The following SLC12A1 variants were observed in gnomAD, a reference collection of about 807,000 sequenced individuals.
The protein encoded by SLC12A1 is solute carrier family 12 member 1, also known as Na-K-2Cl cotransporter.
Under a neutral mutation model 130.4 loss-of-function variants are expected in SLC12A1, and 89 were observed. That is an observed-to-expected ratio of 0.68 (90% CI 0.58 to 0.81). The LOEUF (loss-of-function observed/expected upper bound fraction) is 0.81. Among genes scored for constraint, SLC12A1 ranks in the 40% least tolerant of loss-of-function variants. The pLI, the probability that SLC12A1 is intolerant of heterozygous loss-of-function variation, is 0.00. For missense variants in SLC12A1, 1,310 were observed against 1,336.4 expected (o/e 0.98, Z 0.31); for synonymous variants, 499 against 460.0 (o/e 1.08, Z -1.09).
chr15:48,220,280 C>G (rs1354973787), intron 2 of SLC12A1, among the ~76,000 whole-genome samples: 1 of 151,880 alleles, frequency 6.6e-6, no homozygotes, highest in Non-Finnish European at 1.5e-5. Context: ...TTCCAAAGAC[C>G]CTTATTTACT....
chr15:48,278,165 AC>A (rs1479910973), intron 20 of SLC12A1, among the ~76,000 whole-genome samples: 2 of 152,200 alleles, frequency 1.3e-5, no homozygotes, highest in African/African-American at 2.4e-5. Flanking sequence ...ACTTACGTGA[AC>A]CCGGGAGGCG....
rs575459083 is a variant in SLC12A1, at chr15:48,300,472, G to T, written c.3097-843G>T. On this transcript the variant is annotated intron_variant, in intron 25 of 26. Transcript: ENST00000380993. ...GCCACCCTGAGACCCTGACCCCTGG[G>T]GCCCACGAGCTTCAGAGAGCCTCGC... is the stretch of plus-strand genomic sequence containing the variant. Among the ~76,000 whole-genome samples the T allele has an allele frequency of 1.6e-4, 24 of 152,216 alleles. No homozygotes were observed. In the South Asian group the frequency reaches 4.1e-3, roughly 26 times the overall value.
At chr15:48,290,733 T>G (rs887345549) in intron 23 of SLC12A1, among the ~76,000 whole-genome samples, 6 of 151,860 alleles carry the variant, frequency 4.0e-5, no homozygotes, top group African/African-American at 1.5e-4. Flanking sequence ...TATGCATATA[T>G]GTCTTTTCAA....
At chr15:48,249,772 A>C (rs973593759) in intron 14 of SLC12A1, 96 bp downstream of exon 14, 67 of 918,956 alleles carry the variant, frequency 7.3e-5, no homozygotes, top group Admixed American at 1.9e-5. Flanking sequence ...ATCTGTGTTT[A>C]TATGTTTCCT....
At position 48,251,678 on chromosome 15, in the gene SLC12A1, G is replaced by A. The variant is rs755913037; in HGVS notation, c.1850G>A (p.Cys617Tyr). 1 of 1,613,446 alleles carries A rather than the reference G, an allele frequency of 6.2e-7. No homozygotes were observed. The highest frequency in any genetic ancestry group is 2.2e-5 in the East Asian group (1 of 44,880). Residue 617 changes from cysteine (C) to tyrosine (Y), a missense_variant, in exon 15 of 27, where the codon TGT (cysteine) becomes TAT (tyrosine). By Grantham distance (194) the Cys-to-Tyr change is radical. Coordinates refer to ENST00000380993, the MANE Select transcript of SLC12A1 (RefSeq NM_000338.3). ...WVSLFGAVLC[C>Y]AVMFVINWWA... ...TCTCTTTTTGGAGCTGTTTTGTGCT[G>A]TGCAGTCATGTTTGTCATCAACTGG...
Position 48,301,307 on chromosome 15 carries a change from GC to G in SLC12A1, c.3097-5del. On this transcript the variant is annotated splice_polypyrimidine_tract_variant and splice_region_variant and intron_variant, in intron 25 of 26. Coordinates refer to ENST00000380993, the MANE Select transcript of SLC12A1 (RefSeq NM_000338.3). Reference sequence around the variant, plus strand: ...ACTGTACTCAACAAATCTGAATGTTGCCCACAGAGTTACCGCCAAGTTCGAC... The same window carrying G: ...ACTGTACTCAACAAATCTGAATGTTGCCACAGAGTTACCGCCAAGTTCGAC... 1 of 1,591,844 alleles carries G rather than the reference GC, an allele frequency of 6.3e-7. No individual in the cohort carries two copies.
Position 48,278,099 on chromosome 15 carries a change from ATTCC to A in SLC12A1, c.2485+3447_2485+3450del, listed in dbSNP as rs1456543783. On this transcript the variant is annotated intron_variant, in intron 20 of 26. Coordinates refer to ENST00000380993, the MANE Select transcript of SLC12A1 (RefSeq NM_000338.3). Reference sequence around the variant, plus strand: ...CAGTGAGTATTCACTATTAATGTATATTCCCTCCTAGTAGAACTTAATACTTTAG... The same window carrying A: ...CAGTGAGTATTCACTATTAATGTATACTCCTAGTAGAACTTAATACTTTAG... 2.0e-5 allele frequency among the ~76,000 whole-genome samples: 3 copies of A among 152,182 alleles called. No homozygotes were observed. In the East Asian group the frequency reaches 5.8e-4, roughly 29 times the overall value.
chr15:48,246,877 A>G, intron 11 of SLC12A1, 32 bp from the exon 12 acceptor site: 1 of 1,449,482 alleles, frequency 6.9e-7, no homozygotes, highest in African/African-American at 1.4e-5. Flanking sequence ...CAAATCACAG[A>G]AAGTCTCCTT....
chr15:48,247,799 C>A (rs187207722), intron 13 of SLC12A1, among the ~76,000 whole-genome samples: 1 of 152,258 alleles, frequency 6.6e-6, no homozygotes, highest in African/African-American at 2.4e-5. Flanking sequence ...AATTGAATTG[C>A]CTGTTAGTGT....
chr15:48,241,699 A>T lies in SLC12A1; in HGVS notation c.1300+100A>T, dbSNP rs1048131154. 8.6e-6 allele frequency: 7 copies of T among 813,798 alleles called. No homozygotes were observed. In the African/African-American group the frequency reaches 1.2e-4, roughly 14 times the overall value. The allele number at this position is 813,798 out of a possible 1,614,324, so 50.4% of individuals were successfully genotyped here. ...ATGCAGCATAAATACAGAGTTTTTT[A>T]AAAGGCAACAATTTTAATTCCGTTC... On this transcript the variant is annotated intron_variant, in intron 10 of 26. Transcript: ENST00000380993.
intron 23 of SLC12A1, 73 bp downstream of exon 23, chr15:48,288,589 T>A: frequency 1.3e-6 from 1 of 747,858 alleles, no homozygotes; most frequent in Non-Finnish European, 2.3e-6. Context: ...TTTAATAACT[T>A]TAAGTGTCTC....
At chr15:48,263,419 T>G (rs899202796) in intron 17 of SLC12A1, among the ~76,000 whole-genome samples, 4 of 152,126 alleles carry the variant, frequency 2.6e-5, no homozygotes, top group Admixed American at 1.3e-4. Context: ...AAATAAGAAT[T>G]TTTTAAAAAG....
chr15:48,244,907 T>G lies in SLC12A1; in HGVS notation c.1452+3T>G. The G allele has an allele frequency of 6.2e-7, 1 of 1,613,752 alleles. No homozygotes were observed. The highest frequency in any genetic ancestry group is 2.2e-5 in the East Asian group (1 of 44,882). On this transcript the variant is annotated splice_donor_region_variant and intron_variant, in intron 11 of 26. Coordinates refer to ENST00000380993, the MANE Select transcript of SLC12A1 (RefSeq NM_000338.3). ...ACGGGCTGATGAACAATTTCCAGGT[T>G]TGAAGCAAAATTCAAAAATGTTCAC...
chr15:48,289,847 C>G (rs1206795530), intron 23 of SLC12A1, among the ~76,000 whole-genome samples: 1 of 152,002 alleles, frequency 6.6e-6, no homozygotes, highest in East Asian at 1.9e-4. Context: ...ATGTGAGGCC[C>G]CAGGACACGA....
intron 2 of SLC12A1, among the ~76,000 whole-genome samples, chr15:48,217,254 T>C (rs2041134001): frequency 6.6e-6 from 1 of 152,184 alleles, no homozygotes; most frequent in African/African-American, 2.4e-5. Context: ...AGATTAAGTA[T>C]ATCTTTAAAA....
intron 2 of SLC12A1, among the ~76,000 whole-genome samples, chr15:48,220,131 GTA>G (rs2041186192): frequency 1.9e-5 from 2 of 105,738 alleles, no homozygotes; most frequent in African/African-American, 6.6e-5. Context: ...AAAAAAAAAG[GTA>G]GATAGATAGA....
intron 23 of SLC12A1, among the ~76,000 whole-genome samples, chr15:48,291,129 G>A (rs941105391): frequency 6.6e-6 from 1 of 151,778 alleles, no homozygotes; most frequent in African/African-American, 2.4e-5. Flanking sequence ...AAAGAAAATG[G>A]TAAATCAAAC....
Position 48,238,647 on chromosome 15 carries a change from T to C in SLC12A1, c.1216-2868T>C, listed in dbSNP as rs2041466662. 2.0e-5 allele frequency among the ~76,000 whole-genome samples: 3 copies of C among 152,190 alleles called. No homozygotes were observed. The South Asian group carries it at 6.2e-4, about 32-fold the overall frequency. Reference sequence around the variant, plus strand: ...GGAAATGGGGAGGAAACTTCAGTACTTGTAGATATTATTTCTCTTTGAAAG... The same window carrying C: ...GGAAATGGGGAGGAAACTTCAGTACCTGTAGATATTATTTCTCTTTGAAAG... On this transcript the variant is annotated intron_variant, in intron 9 of 26. Transcript: ENST00000380993.
At chr15:48,259,645 A>G (rs531845745) in intron 17 of SLC12A1, among the ~76,000 whole-genome samples, 1 of 152,336 alleles carries the variant, frequency 6.6e-6, no homozygotes, top group South Asian at 2.1e-4. Flanking sequence ...ATATAAAAAG[A>G]TGGAATGAGC....
Sources: gnomAD v4.1 joint callset for allele counts (sites outside exome capture counted in the v4.1 genomes callset) on GRCh38, gnomAD v4.1.1 for gene constraint, MANE v1.5 for transcripts, NCBI Gene and HGNC (gene_info 2026-07-23, HGNC 2026-07-21) for gene names.